IGF1R: variants seen among roughly 807,000 people sequenced by gnomAD.
IGF1R encodes the protein insulin-like growth factor 1 receptor.
Under a neutral mutation model 144.6 loss-of-function variants are expected in IGF1R, and 44 were observed. The observed-to-expected ratio is 0.30, with a 90% confidence interval of 0.24 to 0.39. IGF1R has a LOEUF of 0.39. Ranked by LOEUF, IGF1R falls within the 10% of genes least tolerant of loss-of-function variation. IGF1R has a pLI of 1.00. For missense variants in IGF1R, 1,355 were observed against 1,833.7 expected (o/e 0.74, Z 4.77); for synonymous variants, 795 against 722.8 (o/e 1.10, Z -1.60).
chr15:98,881,840 G>C (rs2013400155), intron 2 of IGF1R, among the ~76,000 whole-genome samples: 1 of 152,152 alleles, frequency 6.6e-6, no homozygotes. Flanking sequence ...ATTAAATGCA[G>C]AAATATATGT....
At chr15:98,760,545 A>T (rs1281065067) in intron 2 of IGF1R, among the ~76,000 whole-genome samples, 1 of 152,160 alleles carries the variant, frequency 6.6e-6, no homozygotes, top group African/African-American at 2.4e-5. Flanking sequence ...GAACATTTTG[A>T]CCATTTACAT....
intron 2 of IGF1R, among the ~76,000 whole-genome samples, chr15:98,788,212 A>C (rs1235247268): frequency 6.6e-6 from 1 of 152,146 alleles, no homozygotes; most frequent in Non-Finnish European, 1.5e-5. Flanking sequence ...TGAAAGCATC[A>C]AGTTGTATGC....
intron 13 of IGF1R, among the ~76,000 whole-genome samples, chr15:98,927,419 A>T (rs2015764937): frequency 6.6e-6 from 1 of 152,218 alleles, no homozygotes; most frequent in African/African-American, 2.4e-5. Context: ...AAATAATCTC[A>T]GGTCTTTTGG....
At chr15:98,651,403 T>C (rs2052363376) in intron 1 of IGF1R, among the ~76,000 whole-genome samples, 1 of 152,224 alleles carries the variant, frequency 6.6e-6, no homozygotes, top group African/African-American at 2.4e-5. Flanking sequence ...GGCGAAAGCC[T>C]TCCGGCTCCC....
chr15:98,803,226 G>T (rs76058751), intron 2 of IGF1R, among the ~76,000 whole-genome samples: 1 of 152,170 alleles, frequency 6.6e-6, no homozygotes, highest in East Asian at 1.9e-4. Context: ...CCTGTTGCTC[G>T]TAGGCTGCAA....
intron 2 of IGF1R, among the ~76,000 whole-genome samples, chr15:98,828,976 C>T (rs1407843507): frequency 6.6e-6 from 1 of 152,102 alleles, no homozygotes. Flanking sequence ...CCCTCCGAAG[C>T]ACTCAGTTAC....
At position 98,832,116 on chromosome 15, in the gene IGF1R, A is replaced by G. The variant is rs554103948; in HGVS notation, c.641-59209A>G. Among the ~76,000 whole-genome samples the G allele has an allele frequency of 7.9e-5, 12 of 152,276 alleles. No individual in the cohort carries two copies. In the South Asian group the frequency reaches 2.3e-3, roughly 29 times the overall value. ...TGGATCCTTTTCTTTAGACTCCAAGAAATTCTTCCTTTTGCCCCAAACTCA... is the reference window on the plus strand; with the variant it reads ...TGGATCCTTTTCTTTAGACTCCAAGGAATTCTTCCTTTTGCCCCAAACTCA... On this transcript the variant is annotated intron_variant, in intron 2 of 20. Coordinates refer to ENST00000650285, the MANE Select transcript of IGF1R (RefSeq NM_000875.5).
intron 2 of IGF1R, among the ~76,000 whole-genome samples, chr15:98,824,807 G>A (rs116263565): frequency 1.3e-5 from 2 of 151,636 alleles, no homozygotes; most frequent in African/African-American, 4.8e-5. Context: ...CATCTATTAC[G>A]CTGTTTCGTT....
chr15:98,736,226 T>G (rs2054605277), intron 2 of IGF1R, among the ~76,000 whole-genome samples: 1 of 152,250 alleles, frequency 6.6e-6, no homozygotes, highest in African/African-American at 2.4e-5. Flanking sequence ...AAGTTACTAA[T>G]GTGAACTAAT....
chr15:98,675,123 G>A (rs1450588174), intron 1 of IGF1R, among the ~76,000 whole-genome samples: 1 of 151,414 alleles, frequency 6.6e-6, no homozygotes, highest in Non-Finnish European at 1.5e-5. Context: ...CGAGTATTTG[G>A]GACTACAAGT....
intron 2 of IGF1R, among the ~76,000 whole-genome samples, chr15:98,824,738 A>G (rs73479797): frequency 0.047 from 7,106 of 151,572 alleles, 539 homozygotes; most frequent in African/African-American, 0.16. Flanking sequence ...GCTAACATCT[A>G]TTTTTTCCTA....
intron 2 of IGF1R, among the ~76,000 whole-genome samples, chr15:98,780,272 C>T (rs1459079301): frequency 6.6e-6 from 1 of 151,680 alleles, no homozygotes; most frequent in Non-Finnish European, 1.5e-5. Flanking sequence ...CAGAGTAGGC[C>T]GGGTGTGGTG....
chr15:98,715,668 A>G (rs1405044328), intron 2 of IGF1R, among the ~76,000 whole-genome samples: 1 of 152,096 alleles, frequency 6.6e-6, no homozygotes, highest in African/African-American at 2.4e-5. Flanking sequence ...GGGTGGTTCA[A>G]AAGTTAAGTT....
At chr15:98,702,068 G>T (rs2053750159) in intron 1 of IGF1R, among the ~76,000 whole-genome samples, 1 of 127,274 alleles carries the variant, frequency 7.9e-6, no homozygotes, top group African/African-American at 2.9e-5. Context: ...AGGACCTCAA[G>T]GTTGTGTCTA....
At chr15:98,856,002 G>C (rs2011792259) in intron 2 of IGF1R, among the ~76,000 whole-genome samples, 1 of 152,238 alleles carries the variant, frequency 6.6e-6, no homozygotes, top group African/African-American at 2.4e-5. Flanking sequence ...TGAAGCTGCT[G>C]TATAGTGGCA....
At chr15:98,790,802 C>G (rs1165240434) in intron 2 of IGF1R, among the ~76,000 whole-genome samples, 1 of 152,216 alleles carries the variant, frequency 6.6e-6, no homozygotes, top group Non-Finnish European at 1.5e-5. Flanking sequence ...CATGTTGACT[C>G]AGTAGGTAAA....
rs114088673 is a variant in IGF1R, at chr15:98,859,235, A to G, written c.641-32090A>G. Among the ~76,000 whole-genome samples, 461 of 152,298 alleles carry G rather than the reference A, an allele frequency of 3.0e-3. 1 individual carries two copies. Among genetic ancestry groups the G allele is most frequent in the African/African-American group, 0.01 (425 of 41,558 alleles). ...TGCATAATTATGACCAGTGTATTGA[A>G]AGCACATTTCATTTAGTTTTGCAAC... On this transcript the variant is annotated intron_variant, in intron 2 of 20. Transcript: ENST00000650285.
chr15:98,899,870 C>T (rs1364100053), intron 5 of IGF1R, among the ~76,000 whole-genome samples: 2 of 152,138 alleles, frequency 1.3e-5, no homozygotes, highest in Non-Finnish European at 2.9e-5. Context: ...TCAAGGGTTG[C>T]GTGTCTGACT....
Position 98,935,468 on chromosome 15 carries a change from G to A in IGF1R, c.3297+42G>A, listed in dbSNP as rs2151708673. On this transcript the variant is annotated intron_variant, in intron 17 of 20. Coordinates refer to ENST00000650285, the MANE Select transcript of IGF1R (RefSeq NM_000875.5). The surrounding 1 kb of genome is among the most constrained non-coding windows in gnomAD (Gnocchi z 4.2). Reference sequence around the variant, plus strand: ...ACCGGTATTGCATGTTGCCTGGCCTGCTCTCTTTTCCTTTATAATCTCCCT... The same window carrying A: ...ACCGGTATTGCATGTTGCCTGGCCTACTCTCTTTTCCTTTATAATCTCCCT... 8.8e-7 allele frequency: 1 copy of A among 1,136,802 alleles called. No individual in the cohort carries two copies. Among genetic ancestry groups the A allele is most frequent in the Non-Finnish European group, 1.3e-6 (1 of 768,012 alleles). The allele number at this position is 1,136,802 out of a possible 1,614,324, so 70.4% of individuals were successfully genotyped here. A position where few individuals can be genotyped will look rare whatever the true frequency, so the allele number is the denominator to read the frequency against.
Sources: allele counts gnomAD v4.1 joint callset (sites outside exome capture counted in the v4.1 genomes callset), GRCh38; gene constraint gnomAD v4.1.1; non-coding constraint Gnocchi (gnomAD v3.1); transcripts MANE v1.5; gene names NCBI Gene and HGNC (gene_info 2026-07-23, HGNC 2026-07-21).